The following ZZEF1 variants were observed in gnomAD, a reference collection of about 807,000 sequenced individuals.
ZZEF1 encodes zinc finger ZZ-type and EF-hand domain-containing protein 1.
Under a neutral mutation model 342.8 loss-of-function variants are expected in ZZEF1, and 157 were observed. The ratio of observed to expected loss-of-function variants is 0.46; its 90% CI spans 0.40 to 0.52. The LOEUF (loss-of-function observed/expected upper bound fraction) is 0.52. Among genes scored for constraint, ZZEF1 ranks in the 20% least tolerant of loss-of-function variants. The pLI, the probability that ZZEF1 is intolerant of heterozygous loss-of-function variation, is 0.00. For synonymous variants in ZZEF1, 1,505 were observed against 1,429.1 expected (o/e 1.05, Z -1.20); for missense variants, 3,480 against 3,725.6 (o/e 0.93, Z 1.72).
chr17:4,012,586 C>T (rs1046783786), intron 52 of ZZEF1, among the ~76,000 whole-genome samples: 2 of 152,160 alleles, frequency 1.3e-5, no homozygotes, highest in African/African-American at 4.8e-5. Flanking sequence ...CAGTCACTAC[C>T]ACCTTCTCTC....
chr17:4,038,199 G>A (rs555697231), intron 39 of ZZEF1, among the ~76,000 whole-genome samples: 22 of 152,190 alleles, frequency 1.4e-4, no homozygotes, highest in Non-Finnish European at 3.1e-4. Context: ...ATGTGCTGCC[G>A]TGGGAGTGTG....
At chr17:4,032,773 G>C in intron 41 of ZZEF1, 55 bp downstream of exon 41, 1 of 1,584,148 alleles carries the variant, frequency 6.3e-7, no homozygotes, top group Non-Finnish European at 8.6e-7. Flanking sequence ...GCTTTGGTGT[G>C]TATAGTGAAG....
chr17:4,076,461 G>T, intron 21 of ZZEF1, 176 bp downstream of exon 21: 3 of 769,878 alleles, frequency 3.9e-6, no homozygotes, highest in Non-Finnish European at 3.9e-6. Context: ...TGCTGACCAG[G>T]CCACATCGAC....
chr17:4,032,094 C>T, intron 42 of ZZEF1, 32 bp downstream of exon 42: 2 of 1,598,216 alleles, frequency 1.3e-6, no homozygotes, highest in Admixed American at 1.8e-5. Flanking sequence ...ATTTTTCTTC[C>T]ATTCTTAGAA....
Position 4,013,500 on chromosome 17 carries a change from C to A in ZZEF1, c.8528G>T (p.Arg2843Leu), listed in dbSNP as rs947735677. 2 of 1,613,812 alleles carry A rather than the reference C, an allele frequency of 1.2e-6. No individual in the cohort carries two copies. The highest frequency in any genetic ancestry group is 1.3e-5 in the African/African-American group (1 of 75,054). ...GVACRQTGHQ[R>L]LKAIHLLLRI... ...CAGAAGTAAGTGGATGGCTTTTAAT[C>A]GTTGATGGCCAGTCTGGCGACAGGC... The change falls in exon 52 of 55, where the codon CGA becomes CTA. Residue 2843 changes from arginine (R) to leucine (L), a missense_variant. Arg to Leu is a moderately radical substitution (Grantham distance 102). This residue lies in a region of ZZEF1 where 1,269 missense variants were observed against 1,342.4 expected (regional missense o/e 0.95). Coordinates refer to ENST00000381638, the MANE Select transcript of ZZEF1 (RefSeq NM_015113.4).
Position 4,104,731 on chromosome 17 carries a change from G to A in ZZEF1, c.1475C>T (p.Ser492Phe). ...CAGATGGTCAGTGATGGTGCATAGA[G>A]AGCTCATGACTTTGGCAACACTTCC... Reference protein sequence around the residue: ...ARGSVAKVMSSLCTITDHLDT... With the variant: ...ARGSVAKVMSFLCTITDHLDT... The change falls in exon 8 of 55, where the codon TCT (serine) becomes TTT (phenylalanine). Residue 492 changes from serine (S) to phenylalanine (F), a missense_variant. Around this residue, in one of 5 missense-constraint regions of ZZEF1, gnomAD observed 1,528 missense variants for 1,624.1 expected, o/e 0.94. Coordinates refer to ENST00000381638, the MANE Select transcript of ZZEF1 (RefSeq NM_015113.4). The A allele has an allele frequency of 6.2e-7, 1 of 1,614,198 alleles. No homozygotes were observed. The highest frequency in any genetic ancestry group is 8.5e-7 in the Non-Finnish European group (1 of 1,180,016).
rs1400774647 is a variant in ZZEF1 at position 4,088,699 on chromosome 17, G to C, written c.2220C>G (p.Ile740Met). Residue 740 changes from isoleucine (I) to methionine (M), a missense_variant, in exon 13 of 55, where the codon ATC becomes ATG. Physicochemically the swap from Ile to Met is conservative, Grantham distance 10. This residue lies in a region of ZZEF1 where 1,528 missense variants were observed against 1,624.1 expected (regional missense o/e 0.94). Coordinates refer to ENST00000381638, the MANE Select transcript of ZZEF1 (RefSeq NM_015113.4). Reference sequence around the variant, plus strand: ...CTACCAGGTCATGGGCGAGCTGCTGGATAAACTGAAGGGTCCTGAGGAGCA... The same window carrying C: ...CTACCAGGTCATGGGCGAGCTGCTGCATAAACTGAAGGGTCCTGAGGAGCA... ...ATLLLRTLQF[I>M]QQLAHDLVQQ... is the part of the protein sequence containing the mutation. 1 of 1,614,008 alleles carries C rather than the reference G, an allele frequency of 6.2e-7. No homozygotes were observed. Among genetic ancestry groups the C allele is most frequent in the Non-Finnish European group, 8.5e-7 (1 of 1,180,038 alleles).
chr17:4,032,029 C>A, intron 42 of ZZEF1, 97 bp downstream of exon 42: 5 of 1,342,316 alleles, frequency 3.7e-6, no homozygotes, highest in Non-Finnish European at 5.0e-6. Flanking sequence ...AAAAATCACA[C>A]GCAGGCCAAG....
In ZZEF1 at chr17:4,052,054, G is replaced by A. The variant is rs748721381; in HGVS notation, c.5517C>T (p.Ile1839=). 1.9e-6 allele frequency: 3 copies of A among 1,614,042 alleles called. No homozygotes were observed. Among genetic ancestry groups the A allele is most frequent in the Non-Finnish European group, 1.7e-6 (2 of 1,180,034 alleles). Reference sequence around the variant, plus strand: ...CATTGCAGTTCATCCTCCGGCCTATGATCAAACCCTGGCAGTGGTCACAGG... The same window carrying A: ...CATTGCAGTTCATCCTCCGGCCTATAATCAAACCCTGGCAGTGGTCACAGG... ...EFTCDHCQGL[I]IGRRMNCNVC... is the part of the protein sequence containing the mutation. Residue 1839 remains isoleucine (I), a synonymous_variant, in exon 35 of 55, where the codon ATC becomes ATT. Coordinates refer to ENST00000381638, the MANE Select transcript of ZZEF1 (RefSeq NM_015113.4).
At position 4,034,160 on chromosome 17, in the gene ZZEF1, G is replaced by C. The variant is rs1427602209; in HGVS notation, c.6439C>G (p.Leu2147Val). The C allele has an allele frequency of 6.2e-7, 1 of 1,614,202 alleles. No homozygotes were observed. The highest frequency in any genetic ancestry group is 1.1e-5 in the South Asian group (1 of 91,086). Reference protein sequence around the residue: ...LGLLGQLIIRLLPAEVDAAVI... With the variant: ...LGLLGQLIIRVLPAEVDAAVI... Reference sequence around the variant, plus strand: ...GCGGCGTCTACCTCTGCTGGCAAAAGACGGATAATTAACTGGCCGAGAAGA... The same window carrying C: ...GCGGCGTCTACCTCTGCTGGCAAAACACGGATAATTAACTGGCCGAGAAGA... Residue 2147 changes from leucine (L) to valine (V), a missense_variant, in exon 40 of 55, where the codon CTT (leucine) becomes GTT (valine). By Grantham distance (32) the Leu-to-Val change is conservative. Around this residue, in one of 5 missense-constraint regions of ZZEF1, gnomAD observed 1,269 missense variants for 1,342.4 expected, o/e 0.95. Coordinates refer to ENST00000381638, the MANE Select transcript of ZZEF1 (RefSeq NM_015113.4).
At chr17:4,010,942 A>G (rs560137159) in intron 52 of ZZEF1, among the ~76,000 whole-genome samples, 1 of 152,054 alleles carries the variant, frequency 6.6e-6, no homozygotes, top group Non-Finnish European at 1.5e-5. Context: ...AGAACACTTA[A>G]GACAAGCGTG....
At chr17:4,102,559 A>G in intron 8 of ZZEF1, 144 bp from the exon 9 acceptor site, 1 of 641,496 alleles carries the variant, frequency 1.6e-6, no homozygotes, top group South Asian at 1.9e-5. Context: ...ATAGAGCAGT[A>G]ATATCAGACA....
At chr17:4,125,579 A>G (rs1020254975) in intron 1 of ZZEF1, among the ~76,000 whole-genome samples, 1 of 152,224 alleles carries the variant, frequency 6.6e-6, no homozygotes, top group Non-Finnish European at 1.5e-5. Context: ...CCAAAAAGTT[A>G]ATAGGATCAA....
intron 42 of ZZEF1, among the ~76,000 whole-genome samples, chr17:4,026,195 A>AGAGAGCTGGGAATACTTTGTCTTTCC (rs1440033746): frequency 1.3e-5 from 2 of 152,240 alleles, no homozygotes; most frequent in African/African-American, 4.8e-5. Context: ...TGGAGCTCAC[A>AGAGAGCTGGGAATACTTTGTCTTTCC]GAGAGCTGGG....
At chr17:4,118,689 CT>C (rs1265198137) in intron 2 of ZZEF1, among the ~76,000 whole-genome samples, 1 of 152,210 alleles carries the variant, frequency 6.6e-6, no homozygotes, top group Non-Finnish European at 1.5e-5. Flanking sequence ...AGTTGGTCCA[CT>C]AGGTGATGTA....
chr17:4,076,985 C>T lies in ZZEF1; in HGVS notation c.2994G>A (p.Val998=). The T allele has an allele frequency of 6.2e-7, 1 of 1,611,968 alleles. No individual in the cohort carries two copies. Among genetic ancestry groups the T allele is most frequent in the South Asian group, 1.1e-5 (1 of 90,472 alleles). ...DLAVDLIEKY[V]GQFLASMRAI... ...CTCTCATGCTTGCCAGAAACTGGCC[C>T]ACATCTACCGAAACAAAGAAAATAA... Residue 998 remains valine (V), a synonymous_variant, in exon 20 of 55, where the codon GTG becomes GTA. Transcript: ENST00000381638.
intron 2 of ZZEF1, among the ~76,000 whole-genome samples, chr17:4,120,725 G>A (rs1233256693): frequency 1.3e-5 from 2 of 152,330 alleles, no homozygotes; most frequent in African/African-American, 2.4e-5. Context: ...TGGAATGCCC[G>A]AGCTCAGGAG....
intron 44 of ZZEF1, among the ~76,000 whole-genome samples, chr17:4,021,539 C>T (rs183163701): frequency 6.6e-6 from 1 of 152,358 alleles, no homozygotes; most frequent in Non-Finnish European, 1.5e-5. Context: ...TTATTCACTT[C>T]CCCACAGATG....
At chr17:4,013,088 CA>C (rs200757795) in intron 52 of ZZEF1, among the ~76,000 whole-genome samples, 1,398 of 75,176 alleles carry the variant, frequency 0.019, 16 homozygotes, top group African/African-American at 0.046. Flanking sequence ...GACTCTGTCT[CA>C]AAAAAAAAAA....
Sources: allele counts gnomAD v4.1 joint callset (sites outside exome capture counted in the v4.1 genomes callset), GRCh38; gene constraint gnomAD v4.1.1; regional missense constraint gnomAD v4.1.1; transcripts MANE v1.5; gene names NCBI Gene and HGNC (gene_info 2026-07-23, HGNC 2026-07-21).